Variants in RBFOX1 observed in about 807,000 individuals in gnomAD.
RBFOX1 encodes RNA binding protein fox-1 homolog 1.
In RBFOX1, 8 loss-of-function variants were observed where a neutral mutation model predicts 57.7. The ratio of observed to expected loss-of-function variants is 0.14; its 90% CI spans 0.08 to 0.25. The LOEUF is 0.25. Ranked by LOEUF, RBFOX1 falls within the 10% of genes least tolerant of loss-of-function variation. The pLI, the probability that RBFOX1 is intolerant of heterozygous loss-of-function variation, is 1.00. For synonymous variants in RBFOX1, 326 were observed against 222.4 expected (o/e 1.47, Z -4.15); for missense variants, 611 against 548.5 (o/e 1.11, Z -1.14).
At chr16:7,153,064 G>A (rs1303767994) in intron 4 of RBFOX1, among the ~76,000 whole-genome samples, 4 of 152,086 alleles carry the variant, frequency 2.6e-5, no homozygotes, top group Admixed American at 2.0e-4. Context: ...TAGAACCATG[G>A]CATGGTCTAA....
chr16:7,518,234 G>A lies in RBFOX1; in HGVS notation c.115G>A (p.Ala39Thr), dbSNP rs749566543. ...QFAPPQNGIPAEYTAPHPHPA... is the reference protein window; with the variant it reads ...QFAPPQNGIPTEYTAPHPHPA... ...TGCTCCCCCGCAGAACGGTATCCCC[G>A]CGGAATACACGGCCCCTCATCCCCA... The change falls in exon 5 of 16, where the codon GCG becomes ACG. Residue 39 changes from alanine (A) to threonine (T), a missense_variant. Transcript: ENST00000550418. The A allele has an allele frequency of 3.1e-6, 5 of 1,614,008 alleles. No individual in the cohort carries two copies. The highest frequency in any genetic ancestry group is 1.7e-5 in the Admixed American group (1 of 59,988).
intron 2 of RBFOX1, among the ~76,000 whole-genome samples, chr16:6,464,744 T>A (rs1006127828): frequency 2.0e-5 from 3 of 152,258 alleles, no homozygotes; most frequent in Admixed American, 1.3e-4. Flanking sequence ...ACGGATCATA[T>A]GCAAAACATT....
intron 1 of RBFOX1, among the ~76,000 whole-genome samples, chr16:6,276,882 C>T (rs1055094787): frequency 6.6e-6 from 1 of 151,848 alleles, no homozygotes; most frequent in African/African-American, 2.4e-5. Context: ...AAGGACCATG[C>T]TCATTTTATT....
chr16:6,504,945 T>A (rs762690547), intron 2 of RBFOX1, among the ~76,000 whole-genome samples: 1 of 150,618 alleles, frequency 6.6e-6, no homozygotes. Context: ...TAGTGGCAGG[T>A]GCCTGTAATC....
intron 4 of RBFOX1, among the ~76,000 whole-genome samples, chr16:7,494,265 C>G (rs1320342795): frequency 1.3e-5 from 2 of 152,118 alleles, no homozygotes; most frequent in East Asian, 3.9e-4. Context: ...CCATTAAATG[C>G]TTTTAGGTGA....
At chr16:6,221,673 G>A (rs935554228) in intron 1 of RBFOX1, among the ~76,000 whole-genome samples, 3 of 152,282 alleles carry the variant, frequency 2.0e-5, no homozygotes, top group East Asian at 1.9e-4. Context: ...ACAGTTCCAC[G>A]TGGCTGGGAC....
chr16:6,734,338 C>T (rs1171351024), intron 3 of RBFOX1, among the ~76,000 whole-genome samples: 2 of 152,166 alleles, frequency 1.3e-5, no homozygotes, highest in African/African-American at 4.8e-5. Flanking sequence ...ATCCTCTGGG[C>T]TCAGTTTTGA....
chr16:6,811,045 T>C (rs1234560926), intron 3 of RBFOX1, among the ~76,000 whole-genome samples: 1 of 152,174 alleles, frequency 6.6e-6, no homozygotes, highest in African/African-American at 2.4e-5. Flanking sequence ...CTGATGATGA[T>C]AAGATACCCC....
intron 2 of RBFOX1, among the ~76,000 whole-genome samples, chr16:6,463,237 G>A (rs995754721): frequency 1.3e-5 from 2 of 152,116 alleles, no homozygotes; most frequent in Non-Finnish European, 2.9e-5. Flanking sequence ...GTAAAGGGTA[G>A]TCAGATGGCC....
At position 6,324,817 on chromosome 16, in the gene RBFOX1, G is replaced by T. The variant is rs1262870865; in HGVS notation, c.-64+7760G>T. Among the ~76,000 whole-genome samples the T allele has an allele frequency of 2.0e-5, 3 of 152,268 alleles. No individual in the cohort carries two copies. In the South Asian group the frequency reaches 6.2e-4, roughly 32 times the overall value. ...ATAGAAACTAGGCCACAGAAGAGAA[G>T]GTTGAAGGGAAGTATCATTATCTCA... is the stretch of plus-strand genomic sequence containing the variant. On this transcript the variant is annotated intron_variant, in intron 2 of 15. Transcript: ENST00000550418.
chr16:5,715,813 G>A (rs1310880783), intron 3 of RBFOX1, among the ~76,000 whole-genome samples: 2 of 152,124 alleles, frequency 1.3e-5, no homozygotes, highest in African/African-American at 4.8e-5. Context: ...TCCTTTTACT[G>A]GCCCAAAGCA....
At chr16:5,836,429 T>C (rs761429682) in intron 3 of RBFOX1, among the ~76,000 whole-genome samples, 5 of 152,184 alleles carry the variant, frequency 3.3e-5, no homozygotes, top group African/African-American at 4.8e-5. Context: ...CACTCAGTCA[T>C]ACCTGTCACT....
intron 4 of RBFOX1, among the ~76,000 whole-genome samples, chr16:7,489,708 GT>G (rs1004555542): frequency 5.3e-4 from 76 of 143,352 alleles, no homozygotes; most frequent in East Asian, 5.1e-3. Context: ...TGTAGAGACC[GT>G]TTTTTTTTTT....
intron 1 of RBFOX1, among the ~76,000 whole-genome samples, chr16:5,422,583 G>T: frequency 8.5e-6 from 1 of 117,388 alleles, no homozygotes; most frequent in East Asian, 2.9e-4. Context: ...GGGGGAGAGG[G>T]AGGAAGCGAG....
intron 3 of RBFOX1, among the ~76,000 whole-genome samples, chr16:6,899,612 C>T (rs996361285): frequency 6.6e-6 from 1 of 152,120 alleles, no homozygotes; most frequent in African/African-American, 2.4e-5. Flanking sequence ...TGCTGTCAGC[C>T]TTAGTTTTCT....
At chr16:6,754,490 A>G (rs1271749607) in intron 3 of RBFOX1, among the ~76,000 whole-genome samples, 2 of 152,110 alleles carry the variant, frequency 1.3e-5, no homozygotes, top group Non-Finnish European at 1.5e-5. Flanking sequence ...CCTCTTTTTC[A>G]TGAGGAAAAT....
chr16:5,584,182 G>T (rs2046760214), intron 2 of RBFOX1, among the ~76,000 whole-genome samples: 1 of 152,156 alleles, frequency 6.6e-6, no homozygotes, highest in Admixed American at 6.5e-5. Flanking sequence ...GTTCTCCCTT[G>T]TGATTATGTT....
chr16:7,139,228 GCTC>G (rs1049577075), intron 4 of RBFOX1, among the ~76,000 whole-genome samples: 4 of 151,366 alleles, frequency 2.6e-5, no homozygotes, highest in South Asian at 2.1e-4. Context: ...GTGTGTGTCT[GCTC>G]CTCCTCTCTT....
chr16:5,264,762 T>C (rs1190079397), intron 1 of RBFOX1, among the ~76,000 whole-genome samples: 1 of 152,112 alleles, frequency 6.6e-6, no homozygotes, highest in Non-Finnish European at 1.5e-5. Context: ...TTTTAATTCT[T>C]AGTACAGGGC....
Sources: gnomAD v4.1 joint callset for allele counts (sites outside exome capture counted in the v4.1 genomes callset) on GRCh38, gnomAD v4.1.1 for gene constraint, MANE v1.5 for transcripts, NCBI Gene and HGNC (gene_info 2026-07-23, HGNC 2026-07-21) for gene names.